DCC: variants seen among roughly 807,000 people sequenced by gnomAD.
DCC encodes DCC netrin 1 receptor, also known as netrin receptor DCC.
Under a neutral mutation model 172.5 loss-of-function variants are expected in DCC, and 58 were observed. That is an observed-to-expected ratio of 0.34 (90% CI 0.27 to 0.42). The LOEUF (loss-of-function observed/expected upper bound fraction) is 0.42. Ranked by LOEUF, DCC falls within the 10% of genes least tolerant of loss-of-function variation. DCC has a pLI of 1.00. For missense variants in DCC, 1,740 were observed against 1,791.0 expected, an observed-to-expected ratio of 0.97 and a Z score of 0.51; for synonymous variants, 709 against 644.5, an observed-to-expected ratio of 1.10 and a Z score of -1.52.
chr18:53,196,045 C>T (rs1008655360), intron 9 of DCC, among the ~76,000 whole-genome samples: 1 of 152,092 alleles, frequency 6.6e-6, no homozygotes, highest in African/African-American at 2.4e-5. Context: ...ATTTCAATCA[C>T]AATGGGGAGT....
chr18:52,353,067 T>C (rs1049601460), intron 1 of DCC, among the ~76,000 whole-genome samples: 6 of 152,220 alleles, frequency 3.9e-5, no homozygotes, highest in African/African-American at 7.2e-5. Context: ...CACTAGTTTT[T>C]CTTAGCTTGA....
At chr18:52,373,857 T>C (rs1368029745) in intron 1 of DCC, among the ~76,000 whole-genome samples, 1 of 151,368 alleles carries the variant, frequency 6.6e-6, no homozygotes, top group East Asian at 1.9e-4. Context: ...AAACAATCAC[T>C]TGGGATCAAT....
At chr18:52,938,722 C>A (rs1832384190) in intron 5 of DCC, among the ~76,000 whole-genome samples, 1 of 151,984 alleles carries the variant, frequency 6.6e-6, no homozygotes, top group Admixed American at 6.6e-5. Context: ...ATGAATATGG[C>A]CTCAGTGTTG....
At position 53,354,225 on chromosome 18, in the gene DCC, G is replaced by A. The variant is rs756440531; in HGVS notation, c.2359+14318G>A. Among the ~76,000 whole-genome samples the A allele has an allele frequency of 5.3e-5, 8 of 152,220 alleles. No individual in the cohort carries two copies. The East Asian group carries it at 7.7e-4, about 15-fold the overall frequency. Reference sequence around the variant, plus strand: ...GTGAATAGTGCCATAATAAACATACGTGTGCATGTGTCTTTATAGCAGCAT... The same window carrying A: ...GTGAATAGTGCCATAATAAACATACATGTGCATGTGTCTTTATAGCAGCAT... On this transcript the variant is annotated intron_variant, in intron 15 of 28. Coordinates refer to ENST00000442544, the MANE Select transcript of DCC (RefSeq NM_005215.4).
chr18:53,125,201 G>A (rs764038137), intron 7 of DCC, among the ~76,000 whole-genome samples: 7 of 151,916 alleles, frequency 4.6e-5, no homozygotes, highest in African/African-American at 1.7e-4. Context: ...TACCAAAGAC[G>A]TATGGATTTT....
chr18:53,275,580 G>A (rs921147490), intron 12 of DCC, among the ~76,000 whole-genome samples: 1 of 151,882 alleles, frequency 6.6e-6, no homozygotes, highest in Non-Finnish European at 1.5e-5. Context: ...AAAACTTTTT[G>A]CCAAAAACTA....
intron 15 of DCC, among the ~76,000 whole-genome samples, chr18:53,378,711 G>A (rs2144975487): frequency 6.6e-6 from 1 of 152,232 alleles, no homozygotes; most frequent in Non-Finnish European, 1.5e-5. Context: ...GTTTTGACCT[G>A]ATTTTCTTCC....
At chr18:53,331,316 A>T (rs2057527759) in intron 14 of DCC, among the ~76,000 whole-genome samples, 1 of 152,214 alleles carries the variant, frequency 6.6e-6, no homozygotes, top group Non-Finnish European at 1.5e-5. Context: ...TTCATTTAGC[A>T]TACCACTTGG....
chr18:53,479,657 G>C (rs1427744174), intron 25 of DCC, among the ~76,000 whole-genome samples: 4 of 152,124 alleles, frequency 2.6e-5, no homozygotes, highest in African/African-American at 7.2e-5. Context: ...AGATATAGAA[G>C]TAATGAAGAA....
chr18:53,196,937 A>G (rs896096671), intron 9 of DCC, among the ~76,000 whole-genome samples: 3 of 152,072 alleles, frequency 2.0e-5, no homozygotes, highest in Admixed American at 1.3e-4. Flanking sequence ...TGTACAGTTC[A>G]GTCAAGGAGA....
intron 12 of DCC, among the ~76,000 whole-genome samples, chr18:53,279,726 C>T (rs1010703227): frequency 1.6e-4 from 24 of 150,644 alleles, no homozygotes; most frequent in African/African-American, 5.4e-4. Flanking sequence ...AAACATGATA[C>T]ATATACACCA....
intron 25 of DCC, among the ~76,000 whole-genome samples, chr18:53,477,078 T>C (rs2045772476): frequency 6.6e-6 from 1 of 152,226 alleles, no homozygotes; most frequent in South Asian, 2.1e-4. Flanking sequence ...GTATGATCCC[T>C]GTTCACTGTA....
chr18:53,180,687 G>A (rs771654104), intron 9 of DCC, among the ~76,000 whole-genome samples: 15 of 151,866 alleles, frequency 9.9e-5, no homozygotes, highest in African/African-American at 2.2e-4. Context: ...TTTTTGGGAC[G>A]GAGTCTCACT....
chr18:52,789,451 A>T (rs1484483764), intron 2 of DCC, among the ~76,000 whole-genome samples: 1 of 152,184 alleles, frequency 6.6e-6, no homozygotes, highest in African/African-American at 2.4e-5. Flanking sequence ...ACAAACATAA[A>T]GGCCTTTTAA....
chr18:52,402,593 T>C (rs1986483343), intron 1 of DCC, among the ~76,000 whole-genome samples: 2 of 152,040 alleles, frequency 1.3e-5, no homozygotes, highest in South Asian at 2.1e-4. Context: ...TTTTTCTTCT[T>C]TCTGTCTGTC....
At chr18:52,970,018 CAT>C (rs138489942) in intron 5 of DCC, among the ~76,000 whole-genome samples, 10,015 of 152,016 alleles carry the variant, frequency 0.066, 428 homozygotes, top group South Asian at 0.15. Flanking sequence ...TGATTTGACA[CAT>C]AATATTTAAA....
Position 52,536,382 on chromosome 18 carries a change from C to G in DCC, c.91+195504C>G, listed in dbSNP as rs142365024. 7.9e-5 allele frequency among the ~76,000 whole-genome samples: 12 copies of G among 152,152 alleles called. No individual in the cohort carries two copies. The East Asian group carries it at 2.3e-3, about 29-fold the overall frequency. On this transcript the variant is annotated intron_variant, in intron 1 of 28. Coordinates refer to ENST00000442544, the MANE Select transcript of DCC (RefSeq NM_005215.4). ...CTGCTCCTAAGTTAGGCATTTTGCTCGGTGCAACTTTCTAATTTCTTCCAA... is the reference window on the plus strand; with the variant it reads ...CTGCTCCTAAGTTAGGCATTTTGCTGGGTGCAACTTTCTAATTTCTTCCAA...
At chr18:53,449,086 G>A (rs954905028) in intron 22 of DCC, among the ~76,000 whole-genome samples, 3 of 152,170 alleles carry the variant, frequency 2.0e-5, no homozygotes, top group Non-Finnish European at 2.9e-5. Context: ...CTGAGGTACA[G>A]AAGGTCTAAA....
chr18:52,426,686 G>T (rs1242226360), intron 1 of DCC, among the ~76,000 whole-genome samples: 1 of 151,952 alleles, frequency 6.6e-6, no homozygotes, highest in East Asian at 1.9e-4. Flanking sequence ...GTTAGTCTTT[G>T]TAGAGGATAC....
Sources: allele counts gnomAD v4.1 joint callset (sites outside exome capture counted in the v4.1 genomes callset), GRCh38; gene constraint gnomAD v4.1.1; transcripts MANE v1.5; gene names NCBI Gene and HGNC (gene_info 2026-07-23, HGNC 2026-07-21).